The following HSD17B12 variants were observed in gnomAD, a reference collection of about 807,000 sequenced individuals.
HSD17B12 encodes the protein very-long-chain 3-oxoacyl-CoA reductase.
In HSD17B12, 32 loss-of-function variants were observed where a neutral mutation model predicts 39.3. The ratio of observed to expected loss-of-function variants is 0.81; its 90% CI spans 0.61 to 1.09. The LOEUF (loss-of-function observed/expected upper bound fraction) is 1.09, where lower values mean the gene tolerates loss of function less well. Among genes scored for constraint, HSD17B12 ranks in the 50% least tolerant of loss-of-function variants. The pLI is 0.00. For missense variants in HSD17B12, 342 were observed against 382.9 expected, an observed-to-expected ratio of 0.89 and a Z score of 0.89; for synonymous variants, 150 against 146.7, an observed-to-expected ratio of 1.02 and a Z score of -0.16.
At chr11:43,654,826 G>T in the HSD17B12 span, among the ~76,000 whole-genome samples, 2 of 152,178 alleles carry the variant, frequency 1.3e-5, no homozygotes, top group Non-Finnish European at 2.9e-5. Flanking sequence ...AAGTCAGGTA[G>T]CATGATACCT....
At chr11:43,843,993 TGGTACACA>T (rs980786008) in intron 9 of HSD17B12, among the ~76,000 whole-genome samples, 7 of 152,262 alleles carry the variant, frequency 4.6e-5, no homozygotes, top group Non-Finnish European at 1.0e-4. Flanking sequence ...TCAAGCTTTG[TGGTACACA>T]GGCATCTGTT....
At chr11:43,678,813 T>C (rs1359098874), upstream of HSD17B12, among the ~76,000 whole-genome samples, 1 of 152,242 alleles carries the variant, frequency 6.6e-6, no homozygotes, top group Non-Finnish European at 1.5e-5. Context: ...TTGGTGCCAG[T>C]ACCATGCTGT....
chr11:43,746,750 G>A (rs1443365768), intron 1 of HSD17B12, among the ~76,000 whole-genome samples: 1 of 152,094 alleles, frequency 6.6e-6, no homozygotes, highest in African/African-American at 2.4e-5. Flanking sequence ...TCTATTACTG[G>A]CATAGTTGTA....
intron 1 of HSD17B12, among the ~76,000 whole-genome samples, chr11:43,731,935 A>G (rs1950271317): frequency 6.6e-6 from 1 of 152,236 alleles, no homozygotes; most frequent in African/African-American, 2.4e-5. Context: ...GAAGCAGAGC[A>G]CACAAAAACC....
At chr11:43,710,634 T>G (rs1950056617) in intron 1 of HSD17B12, among the ~76,000 whole-genome samples, 4 of 152,324 alleles carry the variant, frequency 2.6e-5, no homozygotes, top group Admixed American at 2.6e-4. Flanking sequence ...TAACTGACTC[T>G]AGAGGGTGCT....
At chr11:43,653,734 C>G in the HSD17B12 span, among the ~76,000 whole-genome samples, 1 of 152,156 alleles carries the variant, frequency 6.6e-6, no homozygotes, top group African/African-American at 2.4e-5. Flanking sequence ...ATGAACTCAT[C>G]ATTTTTTATG....
chr11:43,768,772 G>A (rs11037614), intron 3 of HSD17B12, among the ~76,000 whole-genome samples: 33,497 of 152,108 alleles, frequency 0.22, 3,903 homozygotes, highest in Middle Eastern at 0.37. Context: ...GCGGGTTGCC[G>A]TGGCTGGCTC....
chr11:43,692,875 A>G (rs993265865), intron 1 of HSD17B12, among the ~76,000 whole-genome samples: 1 of 152,222 alleles, frequency 6.6e-6, no homozygotes, highest in Non-Finnish European at 1.5e-5. Context: ...AAACTGCTAT[A>G]AAGTTAACCA....
chr11:43,770,999 C>T (rs972240996), intron 3 of HSD17B12, among the ~76,000 whole-genome samples: 1 of 152,120 alleles, frequency 6.6e-6, no homozygotes, highest in African/African-American at 2.4e-5. Flanking sequence ...ACAATGTAAA[C>T]TTCGGACATA....
chr11:43,832,211 G>A (rs894463478), intron 7 of HSD17B12, among the ~76,000 whole-genome samples: 4 of 152,154 alleles, frequency 2.6e-5, no homozygotes, highest in African/African-American at 9.7e-5. Flanking sequence ...CTAGAAGATG[G>A]TAGAGTTGGG....
chr11:43,740,146 G>T (rs1282637059), intron 1 of HSD17B12, among the ~76,000 whole-genome samples: 1 of 152,122 alleles, frequency 6.6e-6, no homozygotes, highest in Non-Finnish European at 1.5e-5. Context: ...AAAGGGAAAT[G>T]TAACTTCTTG....
At chr11:43,556,801 G>A in the HSD17B12 span, 1 of 148,464 alleles carries the variant, frequency 6.7e-6, no homozygotes. Context: ...GTGAAATCCC[G>A]AGCTTTTTGC....
chr11:43,669,127 A>G, the HSD17B12 span, among the ~76,000 whole-genome samples: 1 of 152,262 alleles, frequency 6.6e-6, no homozygotes, highest in Non-Finnish European at 1.5e-5. Context: ...AAAAAAAAGC[A>G]AATTCCAGAA....
chr11:43,629,815 T>C, the HSD17B12 span, among the ~76,000 whole-genome samples: 2 of 152,344 alleles, frequency 1.3e-5, no homozygotes, highest in South Asian at 4.1e-4. Flanking sequence ...TCCCCTTAAC[T>C]GTTAAGTAGG....
intron 3 of HSD17B12, among the ~76,000 whole-genome samples, chr11:43,792,682 C>CTTG (rs1950878659): frequency 9.9e-6 from 1 of 101,296 alleles, no homozygotes; most frequent in Non-Finnish European, 1.9e-5. Flanking sequence ...TCAATGTAAC[C>CTTG]TTTTTTTTTT....
At chr11:43,704,967 C>A (rs1261288631) in intron 1 of HSD17B12, among the ~76,000 whole-genome samples, 2 of 152,146 alleles carry the variant, frequency 1.3e-5, no homozygotes, top group Non-Finnish European at 2.9e-5. Flanking sequence ...ATAAAAATTC[C>A]ATTTTTTAAG....
At chr11:43,722,764 G>A (rs1950186887) in intron 1 of HSD17B12, among the ~76,000 whole-genome samples, 1 of 152,028 alleles carries the variant, frequency 6.6e-6, no homozygotes, top group Admixed American at 6.6e-5. Flanking sequence ...CAGGAGAATT[G>A]CTTGAACCCG....
intron 5 of HSD17B12, 114 bp from the exon 6 acceptor site, chr11:43,816,233 A>G (rs1186471015): frequency 2.3e-6 from 2 of 888,570 alleles, no homozygotes; most frequent in Middle Eastern, 2.9e-4. Context: ...TTTTTCCAAA[A>G]TCTCTGCAAT....
At chr11:43,781,072 C>T (rs565422561) in intron 3 of HSD17B12, among the ~76,000 whole-genome samples, 260 of 152,156 alleles carry the variant, frequency 1.7e-3, no homozygotes, top group Non-Finnish European at 3.3e-3. Flanking sequence ...TCTGCAGTTT[C>T]CCTGTTCTTA....
Sources: allele counts gnomAD v4.1 joint callset (sites outside exome capture counted in the v4.1 genomes callset), GRCh38; gene constraint gnomAD v4.1.1; transcripts MANE v1.5; gene names NCBI Gene and HGNC (gene_info 2026-07-23, HGNC 2026-07-21).